WDFY2: variants seen among roughly 807,000 people sequenced by gnomAD.
The protein encoded by WDFY2 is WD repeat and FYVE domain containing 2, also known as WD repeat and FYVE domain-containing protein 2.
WDFY2 carries 36 observed loss-of-function variants against 56.4 expected under a neutral mutation model. That is an observed-to-expected ratio of 0.64 (90% CI 0.49 to 0.84). The LOEUF (loss-of-function observed/expected upper bound fraction) is 0.84, where lower values mean the gene tolerates loss of function less well. Among genes scored for constraint, WDFY2 ranks in the 40% least tolerant of loss-of-function variants. The pLI, the probability that WDFY2 is intolerant of heterozygous loss-of-function variation, is 0.00. For synonymous variants in WDFY2, 176 were observed against 183.7 expected (o/e 0.96, Z 0.34); for missense variants, 444 against 512.2 (o/e 0.87, Z 1.29).
chr13:51,713,515 G>A (rs1952271599), intron 4 of WDFY2, among the ~76,000 whole-genome samples: 1 of 152,140 alleles, frequency 6.6e-6, no homozygotes, highest in Non-Finnish European at 1.5e-5. Flanking sequence ...CCTTAAAAGG[G>A]TAGGAAGTTC....
At chr13:51,742,096 G>A (rs1243373831) in intron 7 of WDFY2, among the ~76,000 whole-genome samples, 2 of 152,176 alleles carry the variant, frequency 1.3e-5, no homozygotes, top group African/African-American at 4.8e-5. Flanking sequence ...TAGGGAGACT[G>A]CCTTTCCTTG....
intron 3 of WDFY2, among the ~76,000 whole-genome samples, chr13:51,698,332 C>T (rs1199855348): frequency 6.6e-6 from 1 of 152,168 alleles, no homozygotes; most frequent in Non-Finnish European, 1.5e-5. Context: ...AGTTTGAATT[C>T]TTTCAAGAAG....
chr13:51,729,352 AG>A (rs1249030979), intron 6 of WDFY2, among the ~76,000 whole-genome samples: 2 of 150,782 alleles, frequency 1.3e-5, no homozygotes, highest in Non-Finnish European at 3.0e-5. Context: ...ATCCTTCCCA[AG>A]CCCCCATCGC....
chr13:51,758,954 G>A (rs1388349054), intron 11 of WDFY2, among the ~76,000 whole-genome samples: 3 of 152,116 alleles, frequency 2.0e-5, no homozygotes, highest in African/African-American at 7.2e-5. Context: ...GAGGTGAGAC[G>A]GAGGATCACT....
chr13:51,630,988 C>G (rs1212053987), intron 1 of WDFY2, among the ~76,000 whole-genome samples: 1 of 151,436 alleles, frequency 6.6e-6, no homozygotes, highest in Non-Finnish European at 1.5e-5. Flanking sequence ...CCATGTTGGC[C>G]AGGCTAGTCT....
chr13:51,651,540 C>T (rs1281150590), intron 1 of WDFY2, among the ~76,000 whole-genome samples: 2 of 152,198 alleles, frequency 1.3e-5, no homozygotes, highest in South Asian at 4.1e-4. Flanking sequence ...CCTGCTTTCT[C>T]TTATGGGTAT....
chr13:51,621,719 G>A (rs1348990271), intron 1 of WDFY2, among the ~76,000 whole-genome samples: 8 of 152,028 alleles, frequency 5.3e-5, no homozygotes, highest in Non-Finnish European at 5.9e-5. Flanking sequence ...GGCCAGATTC[G>A]TCCTTTTGGG....
At chr13:51,721,531 A>G (rs1952490630) in intron 5 of WDFY2, among the ~76,000 whole-genome samples, 1 of 152,130 alleles carries the variant, frequency 6.6e-6, no homozygotes, top group African/African-American at 2.4e-5. Context: ...TCCAGGAGTC[A>G]TCCTCATTTT....
chr13:51,584,645 C>T lies in WDFY2; in HGVS notation c.-43C>T. ...CAGCAGTCTCCTCAGCCCGGCCCCGCGGCGCGGTTGGCGGCGGCGCCCCAG... is the reference window on the plus strand; with the variant it reads ...CAGCAGTCTCCTCAGCCCGGCCCCGTGGCGCGGTTGGCGGCGGCGCCCCAG... On this transcript the variant is annotated 5_prime_UTR_variant, in exon 1 of 12. Transcript: ENST00000298125. 6.3e-7 allele frequency: 1 copy of T among 1,587,588 alleles called. No individual in the cohort carries two copies. The highest frequency in any genetic ancestry group is 8.5e-7 in the Non-Finnish European group (1 of 1,169,814).
At chr13:51,644,358 G>A (rs947475968) in intron 1 of WDFY2, among the ~76,000 whole-genome samples, 1 of 152,064 alleles carries the variant, frequency 6.6e-6, no homozygotes, top group Admixed American at 6.5e-5. Context: ...CCATTTCCAG[G>A]TATATTGTTT....
At chr13:51,682,313 A>G (rs1955992925) in intron 3 of WDFY2, among the ~76,000 whole-genome samples, 1 of 152,188 alleles carries the variant, frequency 6.6e-6, no homozygotes, top group African/African-American at 2.4e-5. Flanking sequence ...CCTTATATCT[A>G]AATAATCTAT....
intron 3 of WDFY2, among the ~76,000 whole-genome samples, chr13:51,684,755 AC>A (rs1956034788): frequency 6.6e-6 from 1 of 152,054 alleles, no homozygotes; most frequent in South Asian, 2.1e-4. Flanking sequence ...CTTAGCTCAG[AC>A]CTGTCTCCAG....
intron 1 of WDFY2, among the ~76,000 whole-genome samples, chr13:51,611,413 C>T (rs1954501364): frequency 2.0e-5 from 3 of 152,120 alleles, no homozygotes; most frequent in Non-Finnish European, 2.9e-5. Context: ...CCTTTGTTTT[C>T]AATGAATTTA....
chr13:51,660,684 C>A, intron 2 of WDFY2, 21 bp downstream of exon 2: 1 of 1,610,454 alleles, frequency 6.2e-7, no homozygotes, highest in South Asian at 1.1e-5. Flanking sequence ...AAATCGCTGT[C>A]TTGAAAAACC....
chr13:51,593,446 A>G (rs556484058), intron 1 of WDFY2, among the ~76,000 whole-genome samples: 21 of 152,190 alleles, frequency 1.4e-4, no homozygotes, highest in Non-Finnish European at 2.6e-4. Context: ...TCTTTAGGAA[A>G]GATTGTAAGA....
chr13:51,738,628 G>T (rs1952895457), intron 6 of WDFY2, among the ~76,000 whole-genome samples: 1 of 152,084 alleles, frequency 6.6e-6, no homozygotes, highest in African/African-American at 2.4e-5. Context: ...TGATATTCAA[G>T]AATAAAAAAT....
chr13:51,679,068 A>C (rs1012128635), intron 3 of WDFY2, among the ~76,000 whole-genome samples: 1 of 152,238 alleles, frequency 6.6e-6, no homozygotes, highest in Admixed American at 6.5e-5. Context: ...AATTTGGTAG[A>C]GAATTAATGA....
intron 4 of WDFY2, among the ~76,000 whole-genome samples, chr13:51,708,577 T>G (rs1424157511): frequency 7.6e-6 from 1 of 130,936 alleles, no homozygotes; most frequent in Non-Finnish European, 1.8e-5. Context: ...AATTCCCAAT[T>G]AATTAAAAAA....
chr13:51,673,772 TTTGA>T (rs934599724), intron 2 of WDFY2, among the ~76,000 whole-genome samples: 39 of 152,348 alleles, frequency 2.6e-4, no homozygotes, highest in African/African-American at 7.0e-4. Flanking sequence ...TTAAATATCA[TTTGA>T]TTGCTGTTTT....
Sources: allele counts gnomAD v4.1 joint callset (sites outside exome capture counted in the v4.1 genomes callset), GRCh38; gene constraint gnomAD v4.1.1; transcripts MANE v1.5; gene names NCBI Gene and HGNC (gene_info 2026-07-23, HGNC 2026-07-21).